FRMD4A: variants seen among roughly 807,000 people sequenced by gnomAD.
FRMD4A encodes FERM domain-containing protein 4A.
FRMD4A carries 29 observed loss-of-function variants against 129.1 expected under a neutral mutation model. The ratio of observed to expected loss-of-function variants is 0.22; its 90% CI spans 0.17 to 0.31. The LOEUF is 0.31. FRMD4A is among the 10% of genes least tolerant of loss of function. The pLI, the probability that FRMD4A is intolerant of heterozygous loss-of-function variation, is 1.00. For missense variants in FRMD4A, 1,272 were observed against 1,375.8 expected, an observed-to-expected ratio of 0.92 and a Z score of 1.19; for synonymous variants, 634 against 571.6, an observed-to-expected ratio of 1.11 and a Z score of -1.56.
intron 2 of FRMD4A, among the ~76,000 whole-genome samples, chr10:14,008,741 C>A (rs778399461): frequency 6.6e-6 from 1 of 152,126 alleles, no homozygotes; most frequent in Non-Finnish European, 1.5e-5. Flanking sequence ...ATCTGAAGAC[C>A]ACAGACAGAA....
Position 13,657,224 on chromosome 10 carries a change from C to T in FRMD4A, c.2365G>A (p.Ala789Thr). The stretch of plus-strand genomic sequence containing the variant: ...CTGGCTGAGCCCAGTGCGCCCGCCG[C>T]CCGCTGCCGCTGCCTCTGCCTCTGG... ...ARQRQRQRQR[A>T]AGALGSASSG... is the part of the protein sequence containing the mutation. The change falls in exon 22 of 25, where the codon GCG becomes ACG. Residue 789 changes from alanine to threonine, a missense_variant. Ala to Thr is a moderately conservative substitution (Grantham distance 58). This residue lies in a region of FRMD4A where 972 missense variants were observed against 892.3 expected (regional missense o/e 1.09). Coordinates refer to ENST00000357447, the MANE Select transcript of FRMD4A (RefSeq NM_018027.5). 1 of 1,565,770 alleles carries T rather than the reference C, an allele frequency of 6.4e-7. No homozygotes were observed. The highest frequency in any genetic ancestry group is 8.6e-7 in the Non-Finnish European group (1 of 1,161,722).
chr10:13,986,065 T>C (rs1159223262), intron 2 of FRMD4A, among the ~76,000 whole-genome samples: 2 of 152,164 alleles, frequency 1.3e-5, no homozygotes, highest in Non-Finnish European at 1.5e-5. Context: ...GCACAATGAC[T>C]GCAGGCTCCC....
chr10:14,127,378 G>A (rs562838921), intron 2 of FRMD4A, among the ~76,000 whole-genome samples: 2 of 152,316 alleles, frequency 1.3e-5, no homozygotes, highest in South Asian at 2.1e-4. Flanking sequence ...ACTAGTTTGA[G>A]TTGGGGTTTG....
chr10:14,098,216 C>G (rs981928184), intron 2 of FRMD4A, among the ~76,000 whole-genome samples: 1 of 149,808 alleles, frequency 6.7e-6, no homozygotes, highest in Non-Finnish European at 1.5e-5. Context: ...ATTGTGGCAG[C>G]CTTCAAACTG....
chr10:14,309,088 G>A (rs1846450048), intron 2 of FRMD4A, among the ~76,000 whole-genome samples: 1 of 152,222 alleles, frequency 6.6e-6, no homozygotes, highest in Non-Finnish European at 1.5e-5. Context: ...TCGGCTCACA[G>A]ATAAAGATGT....
intron 2 of FRMD4A, among the ~76,000 whole-genome samples, chr10:13,937,806 T>C (rs1218542121): frequency 2.6e-5 from 4 of 152,242 alleles, no homozygotes; most frequent in Non-Finnish European, 5.9e-5. Context: ...CATTTATCAG[T>C]AGACAAATCT....
In FRMD4A at chr10:14,267,732, G is replaced by A. The variant is rs57344903; in HGVS notation, c.45+62326C>T. ...TATAAAGAGATGAGCACATTTCTCT[G>A]AATTTTAAATTTGGGTCCTTTATTT... On this transcript the variant is annotated intron_variant, in intron 2 of 24. Coordinates refer to ENST00000357447, the MANE Select transcript of FRMD4A (RefSeq NM_018027.5). Among the ~76,000 whole-genome samples the A allele has an allele frequency of 3.7e-3, 571 of 152,272 alleles. 4 individuals carry two copies. Among genetic ancestry groups the A allele is most frequent in the African/African-American group, 0.013 (554 of 41,542 alleles).
intron 3 of FRMD4A, among the ~76,000 whole-genome samples, chr10:13,827,362 C>T (rs1056213136): frequency 6.6e-6 from 1 of 152,202 alleles, no homozygotes; most frequent in Non-Finnish European, 1.5e-5. Flanking sequence ...GCCGTTCCCA[C>T]AGCCTGGGGC....
intron 6 of FRMD4A, among the ~76,000 whole-genome samples, chr10:13,767,845 G>C (rs72769567): frequency 0.037 from 5,610 of 152,182 alleles, 138 homozygotes; most frequent in Non-Finnish European, 0.048. Context: ...TGCAGTGTCT[G>C]AGCTGGAATC....
At chr10:14,305,966 C>A (rs1456537103) in intron 2 of FRMD4A, among the ~76,000 whole-genome samples, 9 of 152,056 alleles carry the variant, frequency 5.9e-5, no homozygotes, top group Non-Finnish European at 1.3e-4. Context: ...ACATTGGGAC[C>A]TATTTGGCGG....
intron 2 of FRMD4A, among the ~76,000 whole-genome samples, chr10:13,948,447 A>G (rs11258743): frequency 0.037 from 5,659 of 152,214 alleles, 361 homozygotes; most frequent in East Asian, 0.28. Context: ...ATCAAGAGCC[A>G]CTAAAGGTAC....
At chr10:13,832,197 C>T (rs11597831) in intron 3 of FRMD4A, among the ~76,000 whole-genome samples, 31,176 of 152,038 alleles carry the variant, frequency 0.21, 3,521 homozygotes, top group Non-Finnish European at 0.26. Context: ...TGCCTGCTTT[C>T]GGCTGCTCCC....
intron 2 of FRMD4A, among the ~76,000 whole-genome samples, chr10:14,138,824 G>C (rs991978946): frequency 1.4e-4 from 21 of 152,052 alleles, no homozygotes; most frequent in African/African-American, 4.6e-4. Context: ...CCCACTGCTA[G>C]CATCGGTAAT....
At chr10:14,147,815 C>A (rs868839920) in intron 2 of FRMD4A, among the ~76,000 whole-genome samples, 9 of 152,092 alleles carry the variant, frequency 5.9e-5, no homozygotes, top group Non-Finnish European at 1.3e-4. Flanking sequence ...GGTTAGGGAC[C>A]CCTGCTGTAG....
chr10:13,816,521 C>A lies in FRMD4A; in HGVS notation c.112-5613G>T, dbSNP rs545284101. ...GGCACTGAGTCTTTTATTTTCTGTA[C>A]AGTTGATTTAAAACAATTTGTGGCA... On this transcript the variant is annotated intron_variant, in intron 3 of 24. Transcript: ENST00000357447. Among the ~76,000 whole-genome samples the A allele has an allele frequency of 2.6e-5, 4 of 152,302 alleles. No individual in the cohort carries two copies. The South Asian group carries it at 6.2e-4, about 24-fold the overall frequency.
At chr10:13,730,980 A>G (rs1012371780) in intron 12 of FRMD4A, among the ~76,000 whole-genome samples, 1 of 151,542 alleles carries the variant, frequency 6.6e-6, no homozygotes, top group Non-Finnish European at 1.5e-5. Flanking sequence ...GTGAGCCAAT[A>G]TCGTGCCACT....
At chr10:14,315,196 C>T (rs1210714607) in intron 2 of FRMD4A, among the ~76,000 whole-genome samples, 1 of 152,010 alleles carries the variant, frequency 6.6e-6, no homozygotes. Context: ...AGGTGGTTTT[C>T]ATCCTTTCTA....
intron 2 of FRMD4A, among the ~76,000 whole-genome samples, chr10:13,924,660 A>G (rs780775554): frequency 6.6e-6 from 1 of 152,066 alleles, no homozygotes; most frequent in Non-Finnish European, 1.5e-5. Flanking sequence ...TACAGATTTT[A>G]TATTTGTTCA....
rs976044761 is a variant in FRMD4A at position 13,909,687 on chromosome 10, G to T, written c.46-50775C>A. 3.9e-5 allele frequency among the ~76,000 whole-genome samples: 6 copies of T among 152,098 alleles called. 1 individual carries two copies. In the South Asian group the frequency reaches 8.3e-4, roughly 21 times the overall value. Reference sequence around the variant, plus strand: ...GAAATTGCCCAAACTTAACACTGTCGCAATGCCATTTAAAAACTCATAATA... The same window carrying T: ...GAAATTGCCCAAACTTAACACTGTCTCAATGCCATTTAAAAACTCATAATA... On this transcript the variant is annotated intron_variant, in intron 2 of 24. Transcript: ENST00000357447.
Sources: allele counts gnomAD v4.1 joint callset (sites outside exome capture counted in the v4.1 genomes callset), GRCh38; gene constraint gnomAD v4.1.1; regional missense constraint gnomAD v4.1.1; transcripts MANE v1.5; gene names NCBI Gene and HGNC (gene_info 2026-07-23, HGNC 2026-07-21).